Variants in SMARCC1 observed in about 807,000 individuals in gnomAD.
SMARCC1 encodes the protein SWI/SNF related BAF chromatin remodeling complex subunit C1.
Under a neutral mutation model 147.4 loss-of-function variants are expected in SMARCC1, and 43 were observed. The ratio of observed to expected loss-of-function variants is 0.29; its 90% CI spans 0.23 to 0.38. The LOEUF (loss-of-function observed/expected upper bound fraction) is 0.38. Among genes scored for constraint, SMARCC1 ranks in the 10% least tolerant of loss-of-function variants. The pLI, the probability that SMARCC1 is intolerant of heterozygous loss-of-function variation, is 1.00. For missense variants in SMARCC1, 1,119 were observed against 1,381.1 expected (o/e 0.81, Z 3.01); for synonymous variants, 495 against 484.4 (o/e 1.02, Z -0.29).
chr3:47,645,786 AC>A (rs2033113323), intron 21 of SMARCC1, among the ~76,000 whole-genome samples: 1 of 152,172 alleles, frequency 6.6e-6, no homozygotes, highest in Non-Finnish European at 1.5e-5. Context: ...AGGATGACAC[AC>A]CCACTTTCTG....
At chr3:47,621,476 TA>T (rs1168792807) in intron 25 of SMARCC1, among the ~76,000 whole-genome samples, 1 of 151,354 alleles carries the variant, frequency 6.6e-6, no homozygotes, top group African/African-American at 2.4e-5. Context: ...TACACAGCAA[TA>T]AAAAAAAGAA....
chr3:47,664,840 C>T (rs2033402015), intron 19 of SMARCC1, among the ~76,000 whole-genome samples: 1 of 152,054 alleles, frequency 6.6e-6, no homozygotes, highest in South Asian at 2.1e-4. Flanking sequence ...TCCACCCCAA[C>T]AACAAAAAAA....
intron 9 of SMARCC1, among the ~76,000 whole-genome samples, chr3:47,709,550 G>C (rs1226305153): frequency 6.6e-6 from 1 of 152,048 alleles, no homozygotes; most frequent in East Asian, 1.9e-4. Context: ...GCCAGATGTG[G>C]TGGCACGTGC....
At chr3:47,589,006 ACC>A (rs1309483468) in intron 27 of SMARCC1, among the ~76,000 whole-genome samples, 2 of 151,878 alleles carry the variant, frequency 1.3e-5, no homozygotes, top group Non-Finnish European at 2.9e-5. Flanking sequence ...GGTTTTAAAA[ACC>A]CCTAGATCTT....
intron 11 of SMARCC1, 40 bp downstream of exon 11, chr3:47,701,238 C>G (rs887845230): frequency 3.8e-6 from 6 of 1,584,420 alleles, no homozygotes; most frequent in South Asian, 1.1e-5. Context: ...CTGAGAATGA[C>G]TAAATTAAAT....
intron 21 of SMARCC1, among the ~76,000 whole-genome samples, chr3:47,639,306 C>T (rs1295427517): frequency 6.6e-6 from 1 of 152,088 alleles, no homozygotes; most frequent in Non-Finnish European, 1.5e-5. Context: ...AGGACACAAA[C>T]CAGCACAGTA....
At chr3:47,697,972 C>A (rs1361433628) in intron 11 of SMARCC1, among the ~76,000 whole-genome samples, 2 of 120,498 alleles carry the variant, frequency 1.7e-5, no homozygotes, top group African/African-American at 6.3e-5. Context: ...CGCGCCACTG[C>A]ACTCCAGCCT....
At chr3:47,701,155 G>A (rs2033912295) in intron 11 of SMARCC1, 123 bp downstream of exon 11, 1 of 697,420 alleles carries the variant, frequency 1.4e-6, no homozygotes, top group Admixed American at 3.0e-5. Flanking sequence ...ATCCATAAAA[G>A]GGACAATCTA....
At chr3:47,628,060 T>TA (rs1238929430) in intron 24 of SMARCC1, among the ~76,000 whole-genome samples, 5 of 137,070 alleles carry the variant, frequency 3.6e-5, no homozygotes, top group African/African-American at 1.4e-4. Context: ...TATATATATA[T>TA]TTTTTCTTTC....
chr3:47,750,081 CA>C (rs34681070), intron 2 of SMARCC1, among the ~76,000 whole-genome samples: 7 of 80,976 alleles, frequency 8.6e-5, no homozygotes, highest in African/African-American at 2.0e-4. Context: ...GAGTCCATCT[CA>C]AAAAAAAAAA....
At chr3:47,703,779 A>C (rs2033955559) in intron 10 of SMARCC1, among the ~76,000 whole-genome samples, 1 of 152,112 alleles carries the variant, frequency 6.6e-6, no homozygotes, top group South Asian at 2.1e-4. Context: ...TTTTTTTCCA[A>C]ATAAAAATCG....
At chr3:47,710,424 G>A (rs1302603583) in intron 9 of SMARCC1, among the ~76,000 whole-genome samples, 1 of 152,170 alleles carries the variant, frequency 6.6e-6, no homozygotes, top group South Asian at 2.1e-4. Flanking sequence ...GGCAAAATCA[G>A]CTATACCACT....
intron 26 of SMARCC1, among the ~76,000 whole-genome samples, chr3:47,594,566 G>A (rs1419419903): frequency 2.6e-5 from 4 of 152,180 alleles, no homozygotes; most frequent in East Asian, 1.9e-4. Context: ...AAAGGCATAC[G>A]AGGGATGAGT....
intron 14 of SMARCC1, among the ~76,000 whole-genome samples, chr3:47,681,338 G>A (rs1243672295): frequency 6.6e-6 from 1 of 152,112 alleles, no homozygotes; most frequent in East Asian, 1.9e-4. Context: ...TGGAGGTGCT[G>A]GGGAGATATA....
chr3:47,608,095 G>C (rs2032506080), intron 26 of SMARCC1, among the ~76,000 whole-genome samples: 1 of 152,052 alleles, frequency 6.6e-6, no homozygotes, highest in Non-Finnish European at 1.5e-5. Flanking sequence ...TGATTTTCAG[G>C]GTAACTAACT....
chr3:47,688,800 C>T (rs2033759681), intron 13 of SMARCC1, among the ~76,000 whole-genome samples: 1 of 152,060 alleles, frequency 6.6e-6, no homozygotes, highest in Non-Finnish European at 1.5e-5. Context: ...ATACTGTGGT[C>T]GGCACTGAAT....
At chr3:47,635,579 A>G (rs2032958480) in intron 23 of SMARCC1, among the ~76,000 whole-genome samples, 1 of 152,206 alleles carries the variant, frequency 6.6e-6, no homozygotes, top group Non-Finnish European at 1.5e-5. Context: ...TTCTATGTGG[A>G]GGTCCCTTGG....
At chr3:47,735,429 A>G (rs1454096402) in intron 5 of SMARCC1, among the ~76,000 whole-genome samples, 2 of 152,132 alleles carry the variant, frequency 1.3e-5, no homozygotes, top group Non-Finnish European at 2.9e-5. Flanking sequence ...GCGAGGCTGG[A>G]GGATGACTTG....
intron 4 of SMARCC1, among the ~76,000 whole-genome samples, chr3:47,737,364 A>C (rs1447937618): frequency 6.6e-6 from 1 of 152,160 alleles, no homozygotes; most frequent in Non-Finnish European, 1.5e-5. Flanking sequence ...GCACCACTGC[A>C]CTCCAGCCTG....
Sources: allele counts gnomAD v4.1 joint callset (sites outside exome capture counted in the v4.1 genomes callset), GRCh38; gene constraint gnomAD v4.1.1; transcripts MANE v1.5; gene names NCBI Gene and HGNC (gene_info 2026-07-23, HGNC 2026-07-21).